EIF4E3: variants seen among roughly 807,000 people sequenced by gnomAD.
The protein encoded by EIF4E3 is eukaryotic translation initiation factor 4E type 3.
Under a neutral mutation model 31.7 loss-of-function variants are expected in EIF4E3, and 26 were observed. That is an observed-to-expected ratio of 0.82 (90% CI 0.60 to 1.14). The LOEUF (loss-of-function observed/expected upper bound fraction) is 1.14, where lower values mean the gene tolerates loss of function less well. EIF4E3 is among the 50% of genes most tolerant of loss of function. The probability of loss-of-function intolerance (pLI) is 0.00; values close to 1 mark genes in which losing one functional copy is unlikely to be tolerated. For missense variants in EIF4E3, 304 were observed against 270.9 expected, an observed-to-expected ratio of 1.12 and a Z score of -0.86; for synonymous variants, 128 against 107.7, an observed-to-expected ratio of 1.19 and a Z score of -1.17.
intron 6 of EIF4E3, among the ~76,000 whole-genome samples, chr3:71,685,004 A>G (rs1194164033): frequency 6.6e-6 from 1 of 152,200 alleles, no homozygotes; most frequent in Non-Finnish European, 1.5e-5. Flanking sequence ...TCATCTCAGC[A>G]AGCCGATGAA....
chr3:71,697,320 C>T (rs2049153395), intron 3 of EIF4E3, among the ~76,000 whole-genome samples: 1 of 152,170 alleles, frequency 6.6e-6, no homozygotes, highest in South Asian at 2.1e-4. Context: ...CATATCTGGC[C>T]TACATGTGAT....
upstream of EIF4E3, among the ~76,000 whole-genome samples, chr3:71,726,276 G>T (rs1004381812): frequency 2.0e-5 from 3 of 152,210 alleles, no homozygotes; most frequent in Admixed American, 2.0e-4. Context: ...GGCGAGTCGG[G>T]AGGAGGAAAG....
At chr3:71,720,221 C>A (rs1490240746) in intron 1 of EIF4E3, among the ~76,000 whole-genome samples, 4 of 151,272 alleles carry the variant, frequency 2.6e-5, no homozygotes, top group Non-Finnish European at 5.9e-5. Flanking sequence ...ATTCTGTCAA[C>A]TAGGCTGGAG....
the EIF4E3 span, among the ~76,000 whole-genome samples, chr3:71,663,468 T>C: frequency 9.9e-5 from 15 of 152,156 alleles, no homozygotes; most frequent in African/African-American, 2.4e-4. Context: ...CAGACAAAGA[T>C]TGGTAACAGT....
At chr3:71,727,038 C>T (rs575556515), upstream of EIF4E3, among the ~76,000 whole-genome samples, 1 of 152,198 alleles carries the variant, frequency 6.6e-6, no homozygotes, top group Admixed American at 6.5e-5. Context: ...TTAAGATAAC[C>T]CCAAGGTCAC....
chr3:71,730,616 G>T (rs187368207), intron 1 of EIF4E3, among the ~76,000 whole-genome samples: 1 of 152,150 alleles, frequency 6.6e-6, no homozygotes, highest in African/African-American at 2.4e-5. Flanking sequence ...GTGGCCTTGA[G>T]GTTTGGTTGT....
chr3:71,740,120 AAG>A (rs1428287618), intron 1 of EIF4E3, among the ~76,000 whole-genome samples: 4 of 151,928 alleles, frequency 2.6e-5, no homozygotes, highest in Non-Finnish European at 5.9e-5. Context: ...AAGAGATAAA[AAG>A]AAATTATAAA....
At chr3:71,674,768 T>C (rs2048863989), downstream of EIF4E3, among the ~76,000 whole-genome samples, 1 of 152,178 alleles carries the variant, frequency 6.6e-6, no homozygotes, top group South Asian at 2.1e-4. Flanking sequence ...GGAAGTACCA[T>C]TTACTAACTC....
At chr3:71,661,665 C>T in the EIF4E3 span, among the ~76,000 whole-genome samples, 3 of 152,192 alleles carry the variant, frequency 2.0e-5, no homozygotes, top group Admixed American at 6.5e-5. Flanking sequence ...GGAAATGGCA[C>T]ACTTTGGCAT....
At chr3:71,670,127 T>C in the EIF4E3 span, among the ~76,000 whole-genome samples, 2 of 152,214 alleles carry the variant, frequency 1.3e-5, no homozygotes, top group Non-Finnish European at 2.9e-5. Flanking sequence ...GGTGGGTTTC[T>C]AAACTGTCGA....
chr3:71,669,018 G>A, the EIF4E3 span, among the ~76,000 whole-genome samples: 2 of 152,086 alleles, frequency 1.3e-5, no homozygotes, highest in Non-Finnish European at 2.9e-5. Context: ...GTGATAGACT[G>A]GATAAAGAAA....
intron 1 of EIF4E3, among the ~76,000 whole-genome samples, chr3:71,723,871 C>T (rs1349532963): frequency 6.6e-6 from 1 of 152,112 alleles, no homozygotes; most frequent in African/African-American, 2.4e-5. Flanking sequence ...CACTCCATCT[C>T]CCCCACCCCC....
At chr3:71,754,748 C>T, upstream of EIF4E3, 2 of 1,373,332 alleles carry the variant, frequency 1.5e-6, no homozygotes, top group Non-Finnish European at 9.5e-7. The surrounding 1 kb of genome is among the most constrained non-coding windows in gnomAD (Gnocchi z 5.8). Flanking sequence ...ACGGCCCGGG[C>T]GCCACCGGCC....
chr3:71,697,527 A>G (rs961637469), intron 3 of EIF4E3, among the ~76,000 whole-genome samples: 2 of 151,834 alleles, frequency 1.3e-5, no homozygotes, highest in African/African-American at 4.8e-5. Context: ...TTCTAACTGT[A>G]TTTTTGTACC....
intron 1 of EIF4E3, among the ~76,000 whole-genome samples, chr3:71,743,768 T>C (rs1302656394): frequency 2.6e-5 from 4 of 152,106 alleles, no homozygotes; most frequent in Admixed American, 2.6e-4. Context: ...GACAAACACA[T>C]AAACTCAACA....
chr3:71,705,904 A>T lies in EIF4E3; in HGVS notation c.249+4508T>A, dbSNP rs2049287184. Among the ~76,000 whole-genome samples the T allele has an allele frequency of 6.6e-5, 10 of 152,310 alleles. No individual in the cohort carries two copies. In the South Asian group the frequency reaches 2.1e-3, roughly 32 times the overall value. ...CAGCTTCCTGAGTAGCTGAGATCAC[A>T]GGCATGAGCCAATGCACCCGGCTAA... On this transcript the variant is annotated intron_variant, in intron 2 of 6. Coordinates refer to ENST00000425534, the MANE Select transcript of EIF4E3 (RefSeq NM_001134651.2).
At chr3:71,692,854 CA>C (rs1185851946) in intron 5 of EIF4E3, among the ~76,000 whole-genome samples, 2 of 152,140 alleles carry the variant, frequency 1.3e-5, no homozygotes, top group Non-Finnish European at 2.9e-5. Flanking sequence ...CTTGGCCTCC[CA>C]AAGTGCTGGG....
chr3:71,716,974 A>G (rs960076606), intron 1 of EIF4E3, among the ~76,000 whole-genome samples: 4 of 152,210 alleles, frequency 2.6e-5, no homozygotes, highest in Non-Finnish European at 5.9e-5. Context: ...GCTCATTAAG[A>G]AAGTTCATGG....
intron 6 of EIF4E3, among the ~76,000 whole-genome samples, chr3:71,687,642 T>C (rs2049010778): frequency 6.6e-6 from 1 of 152,134 alleles, no homozygotes. Flanking sequence ...TTGGCCAGGG[T>C]GGGGCTGGTC....
Sources: gnomAD v4.1 joint callset for allele counts (sites outside exome capture counted in the v4.1 genomes callset) on GRCh38, gnomAD v4.1.1 for gene constraint, Gnocchi (gnomAD v3.1) non-coding constraint, MANE v1.5 for transcripts, NCBI Gene and HGNC (gene_info 2026-07-23, HGNC 2026-07-21) for gene names.